CLNK: variants seen among roughly 807,000 people sequenced by gnomAD.
The protein encoded by CLNK is cytokine-dependent hematopoietic cell linker.
CLNK carries 74 observed loss-of-function variants against 68.6 expected under a neutral mutation model. That is an observed-to-expected ratio of 1.08 (90% CI 0.89 to 1.31). The LOEUF is 1.31. CLNK is among the 50% of genes most tolerant of loss of function. CLNK has a pLI of 0.00. For synonymous variants in CLNK, 198 were observed against 172.2 expected (o/e 1.15, Z -1.17); for missense variants, 553 against 515.3 (o/e 1.07, Z -0.71).
chr4:10,580,261 G>C (rs1005810470), intron 4 of CLNK, among the ~76,000 whole-genome samples: 1 of 152,170 alleles, frequency 6.6e-6, no homozygotes, highest in African/African-American at 2.4e-5. Flanking sequence ...CAAGCTCACT[G>C]TGCTGCCAGT....
chr4:10,683,433 G>T (rs925155585), intron 1 of CLNK, among the ~76,000 whole-genome samples: 1 of 152,190 alleles, frequency 6.6e-6, no homozygotes, highest in South Asian at 2.1e-4. Context: ...CCACCCAGGA[G>T]TGAGTTTAGG....
At chr4:10,602,342 G>A (rs1200461357) in intron 2 of CLNK, among the ~76,000 whole-genome samples, 2 of 152,178 alleles carry the variant, frequency 1.3e-5, no homozygotes, top group Admixed American at 6.5e-5. Context: ...CTGTACATGT[G>A]ACCTTATTTG....
intron 11 of CLNK, among the ~76,000 whole-genome samples, chr4:10,532,906 C>T (rs547260391): frequency 6.6e-6 from 1 of 152,244 alleles, no homozygotes; most frequent in South Asian, 2.1e-4. Context: ...TTTTCATCTG[C>T]AAAATGGCAA....
chr4:10,718,714 A>G, the CLNK span, among the ~76,000 whole-genome samples: 2,171 of 152,288 alleles, frequency 0.014, 28 homozygotes, highest in Non-Finnish European at 0.025. Flanking sequence ...ATCTTGGAAC[A>G]TCAGAAAGAA....
chr4:10,546,366 C>T (rs1173448941), intron 8 of CLNK, among the ~76,000 whole-genome samples: 1 of 152,202 alleles, frequency 6.6e-6, no homozygotes, highest in African/African-American at 2.4e-5. Context: ...TAGTTTATCA[C>T]TCTCAAGTTT....
At chr4:10,628,802 G>T (rs981369236) in intron 2 of CLNK, among the ~76,000 whole-genome samples, 2 of 152,180 alleles carry the variant, frequency 1.3e-5, no homozygotes, top group Non-Finnish European at 2.9e-5. Flanking sequence ...AGGATTCTCT[G>T]AAAGTCTTTG....
At chr4:10,529,987 TCCTTTTTTC>T (rs890046153) in intron 12 of CLNK, among the ~76,000 whole-genome samples, 82 of 150,904 alleles carry the variant, frequency 5.4e-4, no homozygotes, top group African/African-American at 2.0e-3. Context: ...TCTTTCTCCT[TCCTTTTTTC>T]TTTTCCTTTT....
intron 1 of CLNK, among the ~76,000 whole-genome samples, chr4:10,684,014 T>C (rs1725179658): frequency 6.6e-6 from 1 of 152,238 alleles, no homozygotes; most frequent in African/African-American, 2.4e-5. Context: ...CATATTTTGA[T>C]GATAGTTATT....
intron 8 of CLNK, among the ~76,000 whole-genome samples, chr4:10,554,284 G>T (rs1193217336): frequency 6.6e-6 from 1 of 152,150 alleles, no homozygotes; most frequent in African/African-American, 2.4e-5. Flanking sequence ...ATTTTGAAAT[G>T]GTTTCATGGG....
At chr4:10,693,212 A>T in the CLNK span, among the ~76,000 whole-genome samples, 1 of 152,216 alleles carries the variant, frequency 6.6e-6, no homozygotes, top group African/African-American at 2.4e-5. Flanking sequence ...AGTGATTCTG[A>T]TGTTGCTGAT....
At chr4:10,647,063 C>T (rs1051189148) in intron 2 of CLNK, among the ~76,000 whole-genome samples, 4 of 152,124 alleles carry the variant, frequency 2.6e-5, no homozygotes, top group Non-Finnish European at 5.9e-5. Flanking sequence ...TGTGTGCCTT[C>T]CAGACCCCCA....
At chr4:10,726,341 G>A in the CLNK span, among the ~76,000 whole-genome samples, 13 of 152,138 alleles carry the variant, frequency 8.5e-5, no homozygotes, top group Non-Finnish European at 1.8e-4. Flanking sequence ...GGATGGTCTC[G>A]ATCTCTTGAC....
chr4:10,721,160 G>A, the CLNK span, among the ~76,000 whole-genome samples: 2 of 136,136 alleles, frequency 1.5e-5, no homozygotes, highest in African/African-American at 5.7e-5. Flanking sequence ...AGGGACTGAG[G>A]AGGGAGGTGG....
chr4:10,627,541 C>A (rs1031820485), intron 2 of CLNK, among the ~76,000 whole-genome samples: 2 of 152,092 alleles, frequency 1.3e-5, no homozygotes, highest in Non-Finnish European at 2.9e-5. Flanking sequence ...CCACTTGGAA[C>A]CATGACTGGA....
At position 10,550,416 on chromosome 4, in the gene CLNK, A is replaced by T. The variant is rs1252103589; in HGVS notation, c.445+7991T>A. 6.6e-5 allele frequency among the ~76,000 whole-genome samples: 10 copies of T among 152,008 alleles called. No homozygotes were observed. The East Asian group carries it at 1.9e-3, about 29-fold the overall frequency. On this transcript the variant is annotated intron_variant, in intron 8 of 18. Transcript: ENST00000226951. ...AGGCTGAGGCAGGAGAATGGTGTGA[A>T]CCCGGGAGGCGGAGCTTGCAGTGAG...
chr4:10,530,461 CA>C (rs1198853351), intron 12 of CLNK, among the ~76,000 whole-genome samples: 7 of 152,204 alleles, frequency 4.6e-5, no homozygotes, highest in African/African-American at 1.7e-4. Context: ...TCAGCCTAAA[CA>C]AACAATGGGG....
intron 8 of CLNK, among the ~76,000 whole-genome samples, chr4:10,544,812 G>A (rs571828810): frequency 9.2e-5 from 14 of 152,264 alleles, no homozygotes; most frequent in South Asian, 2.1e-4. Context: ...GCCTTCTTGC[G>A]GGTGGTGACT....
intron 2 of CLNK, among the ~76,000 whole-genome samples, chr4:10,618,615 C>T (rs944315029): frequency 5.6e-4 from 86 of 152,286 alleles, no homozygotes; most frequent in African/African-American, 1.9e-3. Flanking sequence ...AATTGGCTCA[C>T]GGTTCTGCAG....
chr4:10,648,010 C>T (rs1392945902), intron 2 of CLNK, among the ~76,000 whole-genome samples: 1 of 152,172 alleles, frequency 6.6e-6, no homozygotes, highest in Non-Finnish European at 1.5e-5. Flanking sequence ...TGGACACTAA[C>T]AGACCCTGAA....
Sources: gnomAD v4.1 joint callset for allele counts (sites outside exome capture counted in the v4.1 genomes callset) on GRCh38, gnomAD v4.1.1 for gene constraint, MANE v1.5 for transcripts, NCBI Gene and HGNC (gene_info 2026-07-23, HGNC 2026-07-21) for gene names.